The following TJP2 variants were observed in gnomAD, a reference collection of about 807,000 sequenced individuals.
TJP2 encodes Friedreich ataxia region gene X104 (tight junction protein ZO-2).
A neutral mutation model predicts 133.1 loss-of-function variants in TJP2; 91 were observed. That is an observed-to-expected ratio of 0.68 (90% confidence interval 0.58 to 0.81). The LOEUF is 0.81. Ranked by LOEUF, TJP2 falls within the 40% of genes least tolerant of loss-of-function variation. The pLI, the probability that TJP2 is intolerant of heterozygous loss-of-function variation, is 0.00. For missense variants in TJP2, 1,541 were observed against 1,565.6 expected (o/e 0.98, Z 0.26); for synonymous variants, 592 against 583.4 (o/e 1.01, Z -0.21).
intron 20 of TJP2, 81 bp from the exon 21 acceptor site, chr9:69,250,954 A>G: frequency 2.2e-6 from 3 of 1,343,020 alleles, no homozygotes; most frequent in Non-Finnish European, 3.2e-6. Context: ...TGATCAGGAA[A>G]TGGAGTGTAT....
At chr9:69,141,498 C>T (rs1303653821) in intron 1 of TJP2, among the ~76,000 whole-genome samples, 1 of 152,162 alleles carries the variant, frequency 6.6e-6, no homozygotes, top group African/African-American at 2.4e-5. Context: ...ACCACTCTTC[C>T]TGAAGAGGCA....
chr9:69,173,352 TAA>T (rs1352201997), upstream of TJP2, among the ~76,000 whole-genome samples: 1 of 152,188 alleles, frequency 6.6e-6, no homozygotes, highest in Non-Finnish European at 1.5e-5. Flanking sequence ...GCTCTTAAAA[TAA>T]AGACACTTAA....
intron 7 of TJP2, 138 bp downstream of exon 7, chr9:69,226,313 C>A: frequency 3.0e-6 from 3 of 986,162 alleles, no homozygotes; most frequent in Non-Finnish European, 3.0e-6. Flanking sequence ...CTCCAAAGGT[C>A]ACTGGTTGGT....
At chr9:69,159,898 T>C (rs1587933863) in intron 2 of TJP2, among the ~76,000 whole-genome samples, 1 of 50,912 alleles carries the variant, frequency 2.0e-5, no homozygotes, top group South Asian at 5.4e-4. Flanking sequence ...TATATACATA[T>C]ATATATATAT....
At chr9:69,237,582 C>G (rs1830281847) in intron 14 of TJP2, among the ~76,000 whole-genome samples, 1 of 74,342 alleles carries the variant, frequency 1.3e-5, no homozygotes, top group South Asian at 4.9e-4. Flanking sequence ...CAGTGTAGTC[C>G]CAGCTACTCA....
rs747575784 is a variant in TJP2, at chr9:69,236,971, C to G, written c.2014C>G (p.Gln672Glu). The change falls in exon 14 of 23, where the codon CAA becomes GAA. Residue 672 changes from glutamine to glutamate, a missense_variant. Coordinates refer to ENST00000377245, the MANE Select transcript of TJP2 (RefSeq NM_004817.4). ...CAGAGCTGAACAAATGGCCAGTGTT[C>G]AAAATGCCCAGAGAGACAACGCTGG... ...KSRAEQMASVQNAQRDNAGDR... is the reference protein window; with the variant it reads ...KSRAEQMASVENAQRDNAGDR... 2.5e-6 allele frequency: 4 copies of G among 1,614,198 alleles called. No homozygotes were observed. The highest frequency in any genetic ancestry group is 1.3e-5 in the African/African-American group (1 of 75,052).
intron 1 of TJP2, among the ~76,000 whole-genome samples, chr9:69,181,042 AG>A (rs749884066): frequency 2.2e-4 from 33 of 152,170 alleles, no homozygotes; most frequent in Non-Finnish European, 4.4e-4. Flanking sequence ...TTGAGAAATT[AG>A]GACAGTGGAT....
At chr9:69,179,515 T>C (rs958204405) in intron 1 of TJP2, among the ~76,000 whole-genome samples, 11 of 150,376 alleles carry the variant, frequency 7.3e-5, no homozygotes, top group African/African-American at 2.7e-4. Context: ...TTCTTTCTTT[T>C]TTTTTTTTTT....
At chr9:69,160,456 A>G (rs980862939) in intron 2 of TJP2, among the ~76,000 whole-genome samples, 5 of 152,098 alleles carry the variant, frequency 3.3e-5, no homozygotes, top group African/African-American at 1.2e-4. Flanking sequence ...ATGACTCCAC[A>G]CCTTGCTTGC....
rs2132886680 is a variant in TJP2, at chr9:69,167,358, G to A, written c.-10+15587G>A. Among the ~76,000 whole-genome samples, 2 of 152,306 alleles carry A rather than the reference G, an allele frequency of 1.3e-5. 1 individual carries two copies. Among genetic ancestry groups the A allele is most frequent in the South Asian group, 4.1e-4 (2 of 4,830 alleles). ...TTCTGTCTGTATATATGTCTGGAAT[G>A]TTCACCTAATGTCGAAGACAGGTAT... is the stretch of plus-strand genomic sequence containing the variant. On this transcript the variant is annotated intron_variant, in intron 2 of 5. Coordinates refer to the TJP2 transcript ENST00000423935.
At chr9:69,145,547 T>C (rs1206651832) in intron 1 of TJP2, 1 of 400,440 alleles carries the variant, frequency 2.5e-6, no homozygotes, top group East Asian at 3.6e-5. Flanking sequence ...TCTTTATTTG[T>C]GGTCTGCCCC....
Position 69,247,997 on chromosome 9 carries a change from C to T in TJP2, c.2668-15C>T, listed in dbSNP as rs373270518. ...ACATCAGACCCCACTGACCGTCCAA[C>T]ACAAATTCCTCTAGATGGAAGGGAT... is the stretch of plus-strand genomic sequence containing the variant. On this transcript the variant is annotated splice_polypyrimidine_tract_variant and intron_variant, in intron 18 of 22. Transcript: ENST00000377245. 3.2e-6 allele frequency: 5 copies of T among 1,582,160 alleles called. No individual in the cohort carries two copies. Among genetic ancestry groups the T allele is most frequent in the African/African-American group, 1.3e-5 (1 of 74,276 alleles).
At chr9:69,209,646 C>T (rs1022900528) in intron 1 of TJP2, among the ~76,000 whole-genome samples, 8 of 150,642 alleles carry the variant, frequency 5.3e-5, no homozygotes, top group African/African-American at 1.7e-4. Context: ...CCCAACTACT[C>T]GGGAGGCTGA....
intron 1 of TJP2, among the ~76,000 whole-genome samples, chr9:69,133,272 G>C (rs1822575726): frequency 6.6e-6 from 1 of 152,130 alleles, no homozygotes; most frequent in East Asian, 1.9e-4. Context: ...TTTCTTTTAA[G>C]GCTGTTGTGA....
At chr9:69,228,136 G>T (rs769708885) in intron 9 of TJP2, 22 bp downstream of exon 9, 3 of 1,584,112 alleles carry the variant, frequency 1.9e-6, no homozygotes, top group East Asian at 2.3e-5. Flanking sequence ...AGACCACTCA[G>T]TTTCAACAGT....
At chr9:69,172,512 CACTT>C (rs576744075), upstream of TJP2, among the ~76,000 whole-genome samples, 3 of 152,120 alleles carry the variant, frequency 2.0e-5, no homozygotes, top group Non-Finnish European at 2.9e-5. Context: ...TAAATGTAAA[CACTT>C]ACTGGTGGCA....
At chr9:69,154,805 TAAAA>T (rs955790646) in intron 2 of TJP2, among the ~76,000 whole-genome samples, 1 of 151,418 alleles carries the variant, frequency 6.6e-6, no homozygotes, top group African/African-American at 2.4e-5. Flanking sequence ...AAATAAAAAT[TAAAA>T]AAAAGATGCT....
Position 69,151,703 on chromosome 9 carries a change from G to A in TJP2, c.-78G>A, listed in dbSNP as rs371136681. ...TCCCTGTGAGTGGGATTGGCACCCC[G>A]GCTGCAGCTCCAGGAGCAAGTACTC... On this transcript the variant is annotated 5_prime_UTR_variant, in exon 2 of 6. Transcript: ENST00000423935. The A allele has an allele frequency of 2.9e-5, 36 of 1,231,886 alleles. No individual in the cohort carries two copies. In the South Asian group the frequency reaches 4.1e-4, roughly 14 times the overall value. The allele number at this position is 1,231,886 out of a possible 1,614,324, so 76.3% of individuals were successfully genotyped here.
intron 2 of TJP2, among the ~76,000 whole-genome samples, chr9:69,155,009 G>A (rs1204891402): frequency 6.6e-6 from 1 of 151,774 alleles, no homozygotes; most frequent in African/African-American, 2.4e-5. Context: ...CCTGAGGTCA[G>A]GAGTTCCAGA....
Sources: gnomAD v4.1 joint callset for allele counts (sites outside exome capture counted in the v4.1 genomes callset) on GRCh38, gnomAD v4.1.1 for gene constraint, MANE v1.5 for transcripts, NCBI Gene and HGNC (gene_info 2026-07-23, HGNC 2026-07-21) for gene names.